EFEMP1: variants seen among roughly 807,000 people sequenced by gnomAD.
EFEMP1 encodes the protein EGF-containing fibulin-like extracellular matrix protein 1.
A neutral mutation model predicts 65.7 loss-of-function variants in EFEMP1; 18 were observed. That is an observed-to-expected ratio of 0.27 (90% CI 0.19 to 0.41). The LOEUF (loss-of-function observed/expected upper bound fraction) is 0.41. Among genes scored for constraint, EFEMP1 ranks in the 10% least tolerant of loss-of-function variants. The probability of loss-of-function intolerance (pLI) is 1.00; values close to 1 mark genes in which losing one functional copy is unlikely to be tolerated. For synonymous variants in EFEMP1, 237 were observed against 219.7 expected (o/e 1.08, Z -0.70); for missense variants, 469 against 624.8 (o/e 0.75, Z 2.66).
chr2:55,910,858 CA>C (rs1267200175), intron 5 of EFEMP1, among the ~76,000 whole-genome samples: 1 of 152,168 alleles, frequency 6.6e-6, no homozygotes, highest in Non-Finnish European at 1.5e-5. Context: ...GATCTCATAT[CA>C]CTTTGGTGAC....
At position 55,874,973 on chromosome 2, in the gene EFEMP1, G is replaced by T; in HGVS notation, c.973C>A (p.Gln325Lys). The part of the protein sequence containing the change: ...KFSCMCPQGY[Q>K]VVRSRTCQDI... ...TGACATGTTCTACTTCTCACCACTT[G>T]GTATCCCTGGGGGCACATACATGAG... The change falls in exon 9 of 12, where the codon CAA becomes AAA. Residue 325 changes from glutamine (Q) to lysine (K), a missense_variant. Coordinates refer to ENST00000355426, the MANE Select transcript of EFEMP1 (RefSeq NM_001039348.3). The T allele has an allele frequency of 6.2e-7, 1 of 1,606,960 alleles. No individual in the cohort carries two copies. Among genetic ancestry groups the T allele is most frequent in the Non-Finnish European group, 8.5e-7 (1 of 1,175,956 alleles).
At position 55,923,698 on chromosome 2, in the gene EFEMP1, T is replaced by G; in HGVS notation, c.-49+13A>C. On this transcript the variant is annotated intron_variant, in intron 1 of 11. Coordinates refer to ENST00000355426, the MANE Select transcript of EFEMP1 (RefSeq NM_001039348.3). This position sits in a 1 kb window ranked among gnomAD's most constrained non-coding sequence, Gnocchi z 5.3. ...GGGCTCGCTCGGGGCGACCCCCCGT[T>G]GGGGGCTCCTACCTGTGCGGCCGCG... 1.0e-6 allele frequency: 1 copy of G among 985,316 alleles called. No homozygotes were observed. The highest frequency in any genetic ancestry group is 1.7e-5 in the African/African-American group (1 of 57,228). 61.0% of individuals were successfully genotyped at this position (985,316 alleles called of 1,614,324 possible).
intron 5 of EFEMP1, among the ~76,000 whole-genome samples, chr2:55,882,188 T>C (rs1453966361): frequency 6.6e-6 from 1 of 152,196 alleles, no homozygotes; most frequent in Non-Finnish European, 1.5e-5. Flanking sequence ...TTCCATCCAA[T>C]ATATTGTATT....
rs1232113487 is a variant in EFEMP1 at position 55,871,645 on chromosome 2, G to A, written c.1001-522C>T. 6.6e-6 allele frequency among the ~76,000 whole-genome samples: 1 copy of A among 152,036 alleles called. No homozygotes were observed. Among genetic ancestry groups the A allele is most frequent in the Non-Finnish European group, 1.5e-5 (1 of 67,994 alleles). ...GATGGAGTTTTCATGGCTGGGGCAG[G>A]GAAGGCTTTCCAAGCTGAGAAATCA... On this transcript the variant is annotated intron_variant, in intron 9 of 11. Transcript: ENST00000355426. The surrounding 1 kb of genome is among the most constrained non-coding windows in gnomAD (Gnocchi z 4.2).
intron 5 of EFEMP1, among the ~76,000 whole-genome samples, chr2:55,895,622 G>C (rs547620320): frequency 2.2e-4 from 33 of 150,800 alleles, no homozygotes; most frequent in Non-Finnish European, 4.3e-4. Context: ...GCTCACTGCA[G>C]GCTCCGCCCC....
At chr2:55,913,966 C>A (rs186076698) in intron 5 of EFEMP1, among the ~76,000 whole-genome samples, 1 of 152,122 alleles carries the variant, frequency 6.6e-6, no homozygotes, top group Non-Finnish European at 1.5e-5. Context: ...GCCAAGATAG[C>A]ACCTCTGCAC....
chr2:55,915,639 C>A (rs1174012859), intron 5 of EFEMP1, among the ~76,000 whole-genome samples: 1 of 151,660 alleles, frequency 6.6e-6, no homozygotes, highest in Non-Finnish European at 1.5e-5. Flanking sequence ...TTTTTTTTCT[C>A]CCAAGTACCA....
chr2:55,909,761 T>C (rs899538371), intron 5 of EFEMP1, among the ~76,000 whole-genome samples: 1 of 152,346 alleles, frequency 6.6e-6, no homozygotes, highest in Admixed American at 6.5e-5. Context: ...CATCTACTTT[T>C]GGCAATTCAT....
chr2:55,914,990 T>A (rs116219878), intron 5 of EFEMP1, among the ~76,000 whole-genome samples: 3,058 of 152,348 alleles, frequency 0.02, 57 homozygotes, highest in South Asian at 0.072. Flanking sequence ...GACTGCATGT[T>A]TGATTAGCTC....
chr2:55,922,349 TC>T lies in EFEMP1; in HGVS notation c.81+10del. On this transcript the variant is annotated intron_variant, in intron 3 of 11. Coordinates refer to ENST00000355426, the MANE Select transcript of EFEMP1 (RefSeq NM_001039348.3). This position sits in a 1 kb window ranked among gnomAD's most constrained non-coding sequence, Gnocchi z 5.5. ...TGAACCGTACTTATTTCAAATTCCA[TC>T]ACCCCTTACCGTGTACGTGATGGTT... The T allele has an allele frequency of 6.2e-7, 1 of 1,613,284 alleles. No homozygotes were observed. Among genetic ancestry groups the T allele is most frequent in the East Asian group, 2.2e-5 (1 of 44,870 alleles).
At position 55,922,370 on chromosome 2, in the gene EFEMP1, A is replaced by T. The variant is rs1431015824; in HGVS notation, c.71T>A (p.Ile24Asn). Residue 24 changes from isoleucine to asparagine, a missense_variant, in exon 3 of 12, where the codon ATC becomes AAC. Physicochemically the swap from Ile to Asn is moderately radical, Grantham distance 149. Coordinates refer to ENST00000355426, the MANE Select transcript of EFEMP1 (RefSeq NM_001039348.3). The surrounding 1 kb of genome is among the most constrained non-coding windows in gnomAD (Gnocchi z 5.5). Reference protein sequence around the residue: ...LVKSQDTEETITYTQCTDGYE... With the variant: ...LVKSQDTEETNTYTQCTDGYE... ...TCCATCACCCCTTACCGTGTACGTG[A>T]TGGTTTCTTCGGTGTCCTGTGACTT... is the stretch of plus-strand genomic sequence containing the variant. 1 of 1,613,768 alleles carries T rather than the reference A, an allele frequency of 6.2e-7. No individual in the cohort carries two copies. Among genetic ancestry groups the T allele is most frequent in the Non-Finnish European group, 8.5e-7 (1 of 1,179,818 alleles).
rs1448130623 is a variant in EFEMP1, at chr2:55,867,126, G to A, written c.1429C>T (p.Arg477Cys). 6.2e-7 allele frequency: 1 copy of A among 1,613,686 alleles called. No individual in the cohort carries two copies. The change falls in exon 12 of 12, where the codon CGC (arginine) becomes TGC (cysteine). Residue 477 changes from arginine to cysteine, a missense_variant. Physicochemically the swap from Arg to Cys is radical, Grantham distance 180. Transcript: ENST00000355426. This position sits in a 1 kb window ranked among gnomAD's most constrained non-coding sequence, Gnocchi z 4.3. The stretch of plus-strand genomic sequence containing the variant: ...GTCAATCTTAACACAGAGCTTGTGC[G>A]GAAGGTCCCTATACTGCTGACTGTC... ...MLTVSSIGTFRTSSVLRLTII... is the reference protein window; with the variant it reads ...MLTVSSIGTFCTSSVLRLTII...
At chr2:55,872,166 G>A (rs1011991435) in intron 9 of EFEMP1, among the ~76,000 whole-genome samples, 1 of 152,062 alleles carries the variant, frequency 6.6e-6, no homozygotes, top group Admixed American at 6.6e-5. Flanking sequence ...TTTATTCAAT[G>A]TAAACTTTTT....
chr2:55,868,814 G>A (rs1217655096), intron 11 of EFEMP1, among the ~76,000 whole-genome samples: 2 of 152,112 alleles, frequency 1.3e-5, no homozygotes, highest in African/African-American at 4.8e-5. Flanking sequence ...ATAGAGCTGA[G>A]CATGTAGTAG....
chr2:55,892,600 T>G (rs534457065), intron 5 of EFEMP1, among the ~76,000 whole-genome samples: 1 of 152,244 alleles, frequency 6.6e-6, no homozygotes, highest in African/African-American at 2.4e-5. Context: ...TTAAATACAC[T>G]ACTGTGTTCC....
intron 5 of EFEMP1, among the ~76,000 whole-genome samples, chr2:55,890,391 C>A (rs1444889491): frequency 6.6e-6 from 1 of 151,976 alleles, no homozygotes; most frequent in African/African-American, 2.4e-5. Context: ...GATTTTAACA[C>A]ACTTCTCCTG....
chr2:55,869,460 A>C (rs562868788), intron 11 of EFEMP1, among the ~76,000 whole-genome samples: 1 of 152,250 alleles, frequency 6.6e-6, no homozygotes, highest in Non-Finnish European at 1.5e-5. Context: ...TATTCAAAAA[A>C]ATAATTGTAA....
intron 5 of EFEMP1, among the ~76,000 whole-genome samples, chr2:55,904,302 A>G (rs1035014583): frequency 7.2e-5 from 11 of 152,206 alleles, no homozygotes; most frequent in African/African-American, 2.4e-4. Flanking sequence ...AAATTGACCA[A>G]TAGGCAAGCA....
At chr2:55,876,057 C>T (rs1359835167) in intron 8 of EFEMP1, among the ~76,000 whole-genome samples, 1 of 151,590 alleles carries the variant, frequency 6.6e-6, no homozygotes, top group Non-Finnish European at 1.5e-5. Flanking sequence ...TGCAATGGAC[C>T]CTGAAGGTCA....
Sources: allele counts gnomAD v4.1 joint callset (sites outside exome capture counted in the v4.1 genomes callset), GRCh38; gene constraint gnomAD v4.1.1; non-coding constraint Gnocchi (gnomAD v3.1); transcripts MANE v1.5; gene names NCBI Gene and HGNC (gene_info 2026-07-23, HGNC 2026-07-21).